The following TRAPPC6B variants were observed in gnomAD, a reference collection of about 807,000 sequenced individuals.
TRAPPC6B encodes the protein trafficking protein particle complex subunit 6B.
In TRAPPC6B, 27 loss-of-function variants were observed where a neutral mutation model predicts 24.7. The observed-to-expected ratio is 1.09, with a 90% CI of 0.81 to 1.51. The LOEUF is 1.51. TRAPPC6B is among the 40% of genes most tolerant of loss of function. TRAPPC6B has a pLI of 0.00. For synonymous variants in TRAPPC6B, 80 were observed against 66.6 expected (o/e 1.20, Z -0.98); for missense variants, 212 against 190.8 (o/e 1.11, Z -0.66).
intron 4 of TRAPPC6B, among the ~76,000 whole-genome samples, chr14:39,152,603 G>A (rs1216434186): frequency 1.3e-5 from 2 of 152,090 alleles, no homozygotes; most frequent in Non-Finnish European, 2.9e-5. Context: ...GCACTAATAA[G>A]TAACTAGATC....
chr14:39,168,766 C>T (rs909970640), intron 1 of TRAPPC6B, among the ~76,000 whole-genome samples: 10 of 152,184 alleles, frequency 6.6e-5, no homozygotes, highest in African/African-American at 1.4e-4. Flanking sequence ...CTGTTATCTC[C>T]TTTTCTCACT....
chr14:39,157,811 AG>A, intron 3 of TRAPPC6B: 1 of 221,728 alleles, frequency 4.5e-6, no homozygotes. Flanking sequence ...TGAATTGTCA[AG>A]CAGGAAAAGG....
intron 5 of TRAPPC6B, among the ~76,000 whole-genome samples, chr14:39,151,216 C>A (rs1594532369): frequency 6.6e-6 from 1 of 151,628 alleles, no homozygotes; most frequent in African/African-American, 2.4e-5. Context: ...ACGGTGAAAC[C>A]CATCTCTACT....
At chr14:39,151,502 A>G (rs1237988029) in intron 5 of TRAPPC6B, among the ~76,000 whole-genome samples, 1 of 152,130 alleles carries the variant, frequency 6.6e-6, no homozygotes, top group East Asian at 1.9e-4. Flanking sequence ...TTACAGTTTG[A>G]ATAACTTTAG....
At chr14:39,152,079 T>C (rs2052922327) in intron 4 of TRAPPC6B, among the ~76,000 whole-genome samples, 1 of 152,196 alleles carries the variant, frequency 6.6e-6, no homozygotes, top group Non-Finnish European at 1.5e-5. Flanking sequence ...TCCAGGACTG[T>C]GAATCTAGAC....
intron 4 of TRAPPC6B, 53 bp downstream of exon 4, chr14:39,154,158 T>C: frequency 9.0e-7 from 1 of 1,112,832 alleles, no homozygotes; most frequent in Non-Finnish European, 1.4e-6. Context: ...CACTGTACTT[T>C]TCCCTGTAGT....
At chr14:39,152,448 C>A (rs1332465653) in intron 4 of TRAPPC6B, among the ~76,000 whole-genome samples, 4 of 152,116 alleles carry the variant, frequency 2.6e-5, no homozygotes, top group African/African-American at 7.2e-5. Context: ...AGCTACAAAA[C>A]CAAAAGTCAT....
Position 39,170,227 on chromosome 14 carries a change from G to T in TRAPPC6B, c.-132C>A. 1.3e-6 allele frequency: 1 copy of T among 775,320 alleles called. No individual in the cohort carries two copies. Among genetic ancestry groups the T allele is most frequent in the Non-Finnish European group, 2.1e-6 (1 of 471,816 alleles). The allele number at this position is 775,320 out of a possible 1,614,324, so 48.0% of individuals were successfully genotyped here. On this transcript the variant is annotated 5_prime_UTR_variant, in exon 1 of 6. Transcript: ENST00000330149. ...CGCCATTCTATCCCTGTGGCTAAGA[G>T]ACCGAGGTATTCACACGACTTCCCA...
At position 39,163,512 on chromosome 14, in the gene TRAPPC6B, G is replaced by T. The variant is rs1256679374; in HGVS notation, c.82-3962C>A. 2.7e-5 allele frequency among the ~76,000 whole-genome samples: 4 copies of T among 150,680 alleles called. 1 individual carries two copies. Among genetic ancestry groups the T allele is most frequent in the African/African-American group, 1.0e-4 (4 of 40,064 alleles). ...AGCTTTAACAAACCTTCTAAAAATTGATTTTGATACTCAGTCCCACTTCCT... is the reference window on the plus strand; with the variant it reads ...AGCTTTAACAAACCTTCTAAAAATTTATTTTGATACTCAGTCCCACTTCCT... On this transcript the variant is annotated intron_variant, in intron 1 of 5. Coordinates refer to ENST00000330149, the MANE Select transcript of TRAPPC6B (RefSeq NM_001079537.2).
intron 1 of TRAPPC6B, among the ~76,000 whole-genome samples, chr14:39,160,120 G>A (rs1288930441): frequency 1.3e-5 from 2 of 151,404 alleles, no homozygotes; most frequent in Non-Finnish European, 2.9e-5. Flanking sequence ...GAGCCACCGC[G>A]CCCAGACAGA....
chr14:39,151,679 T>TA, intron 5 of TRAPPC6B, 67 bp downstream of exon 5: 1 of 1,194,396 alleles, frequency 8.4e-7, no homozygotes, highest in Non-Finnish European at 1.2e-6. Flanking sequence ...CTCAGTTAAA[T>TA]TAAAAAAAAA....
intron 3 of TRAPPC6B, among the ~76,000 whole-genome samples, chr14:39,156,277 G>C (rs2052978096): frequency 6.6e-6 from 1 of 152,170 alleles, no homozygotes; most frequent in Non-Finnish European, 1.5e-5. Context: ...TTGAGCCCAA[G>C]AGTTTGAGAC....
intron 1 of TRAPPC6B, 124 bp downstream of exon 1, chr14:39,169,891 G>A: frequency 1.2e-6 from 1 of 832,638 alleles, no homozygotes. Context: ...ACCTGGAGGT[G>A]GACCATTTTG....
chr14:39,162,171 CTTAT>C (rs1349699089), intron 1 of TRAPPC6B, among the ~76,000 whole-genome samples: 2 of 152,166 alleles, frequency 1.3e-5, no homozygotes, highest in Non-Finnish European at 2.9e-5. Flanking sequence ...CTGCTATTTA[CTTAT>C]TTATTTGACA....
chr14:39,160,576 A>C (rs2053044187), intron 1 of TRAPPC6B, among the ~76,000 whole-genome samples: 1 of 151,338 alleles, frequency 6.6e-6, no homozygotes, highest in South Asian at 2.1e-4. Context: ...CCATGAAAGA[A>C]AGAAAAGAGA....
chr14:39,167,253 G>A (rs1389024031), intron 1 of TRAPPC6B, among the ~76,000 whole-genome samples: 2 of 152,160 alleles, frequency 1.3e-5, no homozygotes, highest in Non-Finnish European at 2.9e-5. Context: ...TCCATTTTAA[G>A]AGAATTCCTC....
intron 5 of TRAPPC6B, 86 bp downstream of exon 5, chr14:39,151,660 A>T: frequency 2.0e-6 from 2 of 977,064 alleles, no homozygotes; most frequent in Non-Finnish European, 3.1e-6. Flanking sequence ...TCAGCATTTT[A>T]AATTTCCTCT....
chr14:39,159,623 G>A (rs146346610), intron 1 of TRAPPC6B, 73 bp from the exon 2 acceptor site: 1 of 1,157,916 alleles, frequency 8.6e-7, no homozygotes, highest in Non-Finnish European at 1.2e-6. Context: ...TGTTTTACAA[G>A]ATTGGTTAAA....
At chr14:39,157,337 C>G (rs1188884143) in intron 3 of TRAPPC6B, 1 of 354,400 alleles carries the variant, frequency 2.8e-6, no homozygotes, top group Non-Finnish European at 5.4e-6. Flanking sequence ...CAAATAGCTA[C>G]TTAGCTGCTT....
Sources: allele counts gnomAD v4.1 joint callset (sites outside exome capture counted in the v4.1 genomes callset), GRCh38; gene constraint gnomAD v4.1.1; transcripts MANE v1.5; gene names NCBI Gene and HGNC (gene_info 2026-07-23, HGNC 2026-07-21).